ANKRD30A: variants seen among roughly 807,000 people sequenced by gnomAD.
ANKRD30A encodes the protein ankyrin repeat domain 30A.
A neutral mutation model predicts 166.3 loss-of-function variants in ANKRD30A; 170 were observed. The observed-to-expected ratio is 1.02, with a 90% confidence interval of 0.90 to 1.16. The LOEUF is 1.16. Ranked by LOEUF, ANKRD30A falls within the 50% of genes most tolerant of loss-of-function variation. The pLI, the probability that ANKRD30A is intolerant of heterozygous loss-of-function variation, is 0.00. For synonymous variants in ANKRD30A, 564 were observed against 508.9 expected (o/e 1.11, Z -1.46); for missense variants, 1,630 against 1,518.0 (o/e 1.07, Z -1.23).
the ANKRD30A span, among the ~76,000 whole-genome samples, chr10:37,243,874 AGTG>A: frequency 3.3e-5 from 5 of 151,918 alleles, no homozygotes; most frequent in African/African-American, 9.7e-5. Flanking sequence ...TGGCAGTTGT[AGTG>A]GTGGTGGGTT....
the ANKRD30A span, among the ~76,000 whole-genome samples, chr10:37,253,578 A>G: frequency 2.3e-4 from 35 of 151,948 alleles, no homozygotes; most frequent in African/African-American, 4.3e-4. Flanking sequence ...TGGACATTTC[A>G]TAGAGATGGA....
chr10:37,223,322 AG>A (rs2132753064), intron 34 of ANKRD30A, among the ~76,000 whole-genome samples: 1 of 151,390 alleles, frequency 6.6e-6, no homozygotes, highest in African/African-American at 2.4e-5. Context: ...AAAAAGAAAA[AG>A]AAAAAAAAAC....
chr10:37,255,417 T>TA, the ANKRD30A span, among the ~76,000 whole-genome samples: 12 of 152,182 alleles, frequency 7.9e-5, no homozygotes, highest in African/African-American at 2.9e-4. Flanking sequence ...TATATACAAT[T>TA]AAAAAAATGG....
intron 29 of ANKRD30A, 116 bp downstream of exon 29, chr10:37,197,596 G>A (rs1381729394): frequency 1.4e-5 from 21 of 1,488,144 alleles, no homozygotes; most frequent in Middle Eastern, 2.4e-4. Context: ...TTTGATCTAG[G>A]TAATGCCAAT....
chr10:37,195,089 C>T (rs1840968831), intron 27 of ANKRD30A, among the ~76,000 whole-genome samples: 1 of 152,044 alleles, frequency 6.6e-6, no homozygotes, highest in African/African-American at 2.4e-5. Context: ...ATTATGTGAA[C>T]TATTAGGCCC....
Position 37,229,040 on chromosome 10 carries a change from T to C in ANKRD30A, c.4186-2421T>C, listed in dbSNP as rs576705317. ...GGGAAACTACAGTAATCTGAAGGTT[T>C]GCTCAGCTATATGTCTTGTTGTTAA... On this transcript the variant is annotated intron_variant, in intron 34 of 35. Transcript: ENST00000361713. Among the ~76,000 whole-genome samples the C allele has an allele frequency of 2.0e-5, 3 of 152,132 alleles. No homozygotes were observed. In the South Asian group the frequency reaches 6.2e-4, roughly 32 times the overall value.
intron 31 of ANKRD30A, among the ~76,000 whole-genome samples, chr10:37,208,526 G>T (rs551944540): frequency 1.3e-5 from 2 of 152,242 alleles, no homozygotes; most frequent in East Asian, 1.9e-4. Flanking sequence ...TACAAAATTT[G>T]CTGACTCAAG....
intron 18 of ANKRD30A, among the ~76,000 whole-genome samples, chr10:37,166,048 G>A (rs1839303964): frequency 6.6e-6 from 1 of 151,918 alleles, no homozygotes. Flanking sequence ...CAAAAATTTT[G>A]TCAGAAACAT....
chr10:37,141,645 A>G (rs939015930), intron 6 of ANKRD30A, 73 bp from the exon 7 acceptor site: 4 of 1,574,164 alleles, frequency 2.5e-6, no homozygotes, highest in Non-Finnish European at 3.4e-6. Context: ...AATGAGTAGA[A>G]GTTTGCCAGG....
intron 4 of ANKRD30A, 124 bp from the exon 5 acceptor site, chr10:37,133,792 T>G (rs1836513601): frequency 2.6e-6 from 3 of 1,175,880 alleles, no homozygotes; most frequent in Non-Finnish European, 3.6e-6. Flanking sequence ...TTTACAAGGA[T>G]AAACACTTGA....
rs1837525422 is a variant in ANKRD30A, at chr10:37,146,498, TG to T, written c.1456-871del. Among the ~76,000 whole-genome samples, 3 of 152,322 alleles carry T rather than the reference TG, an allele frequency of 2.0e-5. No homozygotes were observed. In the East Asian group the frequency reaches 5.8e-4, roughly 29 times the overall value. ...CACCAGCTGCAGGGAGTCTGTCCCT[TG>T]CAGACCCCTGACCCGGGGACAGATG... is the stretch of plus-strand genomic sequence containing the variant. On this transcript the variant is annotated intron_variant, in intron 8 of 35. Transcript: ENST00000361713.
downstream of ANKRD30A, among the ~76,000 whole-genome samples, chr10:37,236,104 A>T (rs1286327158): frequency 6.6e-6 from 1 of 152,008 alleles, no homozygotes; most frequent in Non-Finnish European, 1.5e-5. Flanking sequence ...TATTGTTAAC[A>T]TGGGGGTTGT....
intron 34 of ANKRD30A, among the ~76,000 whole-genome samples, chr10:37,227,976 G>A (rs1311352397): frequency 2.0e-5 from 3 of 151,938 alleles, no homozygotes; most frequent in African/African-American, 4.8e-5. Context: ...CCTGATTCTT[G>A]TGTATAACAC....
chr10:37,127,045 T>A (rs1254508840), intron 1 of ANKRD30A, among the ~76,000 whole-genome samples: 3 of 7,620 alleles, frequency 3.9e-4, no homozygotes, highest in East Asian at 0.013. Flanking sequence ...AAACTCTGTC[T>A]CAAAAAAAAA....
At chr10:37,201,781 A>T (rs1588913040) in intron 31 of ANKRD30A, among the ~76,000 whole-genome samples, 1 of 152,074 alleles carries the variant, frequency 6.6e-6, no homozygotes, top group African/African-American at 2.4e-5. Context: ...CAGCAAAAGT[A>T]TTCTGACTCT....
rs17590350 is a variant in ANKRD30A, at chr10:37,153,445, A to T, written c.1708-127A>T. 734 of 1,381,400 alleles carry T rather than the reference A, an allele frequency of 5.3e-4. 1 individual carries two copies. Among genetic ancestry groups the T allele is most frequent in the African/African-American group, 1.5e-4 (10 of 68,114 alleles). 85.6% of individuals were successfully genotyped at this position (1,381,400 alleles called of 1,614,324 possible). ...GTGTTGGTTTTCTATATGTATCTGC[A>T]CTTAAGTCGAATTGTTTGCAAAGGA... On this transcript the variant is annotated intron_variant, in intron 12 of 35. Transcript: ENST00000361713.
At chr10:37,127,064 AAAAAAAAAAAAAAAAAAAAAAT>A in intron 1 of ANKRD30A, among the ~76,000 whole-genome samples, 1 of 144,260 alleles carries the variant, frequency 6.9e-6, no homozygotes, top group Non-Finnish European at 1.5e-5. Context: ...AAAAAAAAAA[AAAAAAAAAAAAAAAAAAAAAAT>A]CACAAATTGT....
intron 31 of ANKRD30A, among the ~76,000 whole-genome samples, chr10:37,212,028 G>GC (rs1842353613): frequency 6.6e-6 from 1 of 151,844 alleles, no homozygotes. Context: ...GGGCAATCAT[G>GC]CAGGAGAAGG....
intron 13 of ANKRD30A, 25 bp downstream of exon 13, chr10:37,153,687 A>G (rs1409513899): frequency 6.8e-6 from 11 of 1,609,194 alleles, no homozygotes; most frequent in Admixed American, 1.7e-5. Context: ...TTATTTAAAA[A>G]TCAGTTGACC....
Sources: allele counts gnomAD v4.1 joint callset (sites outside exome capture counted in the v4.1 genomes callset), GRCh38; gene constraint gnomAD v4.1.1; transcripts MANE v1.5; gene names NCBI Gene and HGNC (gene_info 2026-07-23, HGNC 2026-07-21).